The following PDE4B variants were observed in gnomAD, a reference collection of about 807,000 sequenced individuals.
PDE4B encodes phosphodiesterase 4B.
PDE4B carries 20 observed loss-of-function variants against 82.2 expected under a neutral mutation model. The observed-to-expected ratio is 0.24, with a 90% confidence interval of 0.17 to 0.35. The LOEUF is 0.35. Among genes scored for constraint, PDE4B ranks in the 10% least tolerant of loss-of-function variants. The probability of loss-of-function intolerance (pLI) is 1.00; values close to 1 mark genes in which losing one functional copy is unlikely to be tolerated. For synonymous variants in PDE4B, 320 were observed against 318.9 expected (o/e 1.00, Z -0.04); for missense variants, 655 against 907.2 (o/e 0.72, Z 3.57).
chr1:66,171,060 A>T (rs986718638), intron 3 of PDE4B, among the ~76,000 whole-genome samples: 6 of 152,148 alleles, frequency 3.9e-5, no homozygotes, highest in African/African-American at 1.4e-4. Context: ...TTGATGAGTA[A>T]ATCAGAAAAG....
intron 8 of PDE4B, among the ~76,000 whole-genome samples, chr1:66,350,741 G>A (rs1221229937): frequency 6.6e-6 from 1 of 152,102 alleles, no homozygotes. Flanking sequence ...CTTGCCTGCG[G>A]ATCTTTGCAT....
intron 1 of PDE4B, among the ~76,000 whole-genome samples, chr1:65,810,902 C>T (rs1389068883): frequency 6.6e-5 from 10 of 152,200 alleles, no homozygotes; most frequent in Admixed American, 2.0e-4. Context: ...TTCTGCTAAA[C>T]GCTTCGAATA....
chr1:66,152,600 G>GTATACATATGTATACATATGTATACATA (rs1557596947), intron 3 of PDE4B: 4 of 192,158 alleles, frequency 2.1e-5, no homozygotes, highest in African/African-American at 1.0e-4. Context: ...GTGTGTGTGT[G>GTATACATATGTATACATATGTATACATA]TGTATACACA....
intron 1 of PDE4B, among the ~76,000 whole-genome samples, chr1:65,817,519 A>G (rs1645900673): frequency 6.6e-6 from 1 of 152,032 alleles, no homozygotes; most frequent in Admixed American, 6.6e-5. Flanking sequence ...TTATTTATTT[A>G]TTTTTACTGT....
chr1:66,069,140 A>G lies in PDE4B; in HGVS notation c.281+150305A>G, dbSNP rs567128247. On this transcript the variant is annotated intron_variant, in intron 3 of 16. Transcript: ENST00000341517. ...TGTTAACACCCTGCTGTGTTCTTACATGGTCCTCTATTGTGTATTTTAACC... is the reference window on the plus strand; with the variant it reads ...TGTTAACACCCTGCTGTGTTCTTACGTGGTCCTCTATTGTGTATTTTAACC... 1.3e-5 allele frequency among the ~76,000 whole-genome samples: 2 copies of G among 152,112 alleles called. 1 individual carries two copies. Among genetic ancestry groups the G allele is most frequent in the Admixed American group, 1.3e-4 (2 of 15,250 alleles).
intron 3 of PDE4B, among the ~76,000 whole-genome samples, chr1:66,220,134 G>A (rs1251885946): frequency 1.3e-5 from 2 of 152,158 alleles, no homozygotes; most frequent in Non-Finnish European, 2.9e-5. Context: ...GGAAGTATCT[G>A]GAGGCTTGGA....
intron 3 of PDE4B, among the ~76,000 whole-genome samples, chr1:66,195,946 T>C (rs1013807648): frequency 6.6e-6 from 1 of 151,854 alleles, no homozygotes; most frequent in East Asian, 1.9e-4. Flanking sequence ...ATTTTGTTAG[T>C]GGTCGTTGGC....
At chr1:65,936,539 C>A (rs1648148896) in intron 3 of PDE4B, among the ~76,000 whole-genome samples, 1 of 152,048 alleles carries the variant, frequency 6.6e-6, no homozygotes, top group Non-Finnish European at 1.5e-5. Flanking sequence ...ACCTCAGTTC[C>A]CAAGGTGGAG....
intron 1 of PDE4B, among the ~76,000 whole-genome samples, chr1:65,895,061 T>C (rs1646894313): frequency 6.6e-6 from 1 of 152,162 alleles, no homozygotes; most frequent in South Asian, 2.1e-4. Context: ...AAAACATATG[T>C]CTTTAAAAAT....
intron 3 of PDE4B, among the ~76,000 whole-genome samples, chr1:65,950,280 G>A (rs1045980193): frequency 3.3e-5 from 5 of 152,012 alleles, no homozygotes; most frequent in African/African-American, 4.8e-5. Context: ...GGACAGCATA[G>A]GTGAAAGCCA....
At chr1:66,218,288 A>G (rs901917006) in intron 3 of PDE4B, among the ~76,000 whole-genome samples, 2 of 152,148 alleles carry the variant, frequency 1.3e-5, no homozygotes, top group South Asian at 2.1e-4. Context: ...GCCTCATGTC[A>G]TGAAGTCCAA....
At chr1:65,938,054 T>C (rs1305586285) in intron 3 of PDE4B, among the ~76,000 whole-genome samples, 3 of 147,710 alleles carry the variant, frequency 2.0e-5, no homozygotes, top group African/African-American at 7.3e-5. Context: ...TGTGAATAGT[T>C]TTATAATAAA....
intron 3 of PDE4B, among the ~76,000 whole-genome samples, chr1:66,027,454 A>G (rs1473293255): frequency 3.9e-5 from 6 of 152,108 alleles, no homozygotes; most frequent in Non-Finnish European, 7.4e-5. Flanking sequence ...CAGCCAAACC[A>G]TATCATTCTG....
intron 1 of PDE4B, among the ~76,000 whole-genome samples, chr1:65,855,857 A>G (rs944284584): frequency 6.6e-6 from 1 of 152,126 alleles, no homozygotes; most frequent in African/African-American, 2.4e-5. Context: ...TCTAGGCAGA[A>G]AGCCAGGGCA....
intron 3 of PDE4B, among the ~76,000 whole-genome samples, chr1:66,228,177 G>T (rs552721948): frequency 1.3e-5 from 2 of 152,272 alleles, no homozygotes; most frequent in East Asian, 3.9e-4. Flanking sequence ...CTGACCACCT[G>T]TTCAAAATTA....
chr1:66,244,006 T>G lies in PDE4B; in HGVS notation c.282-3454T>G, dbSNP rs147470071. Among the ~76,000 whole-genome samples the G allele has an allele frequency of 3.0e-3, 458 of 152,364 alleles. 5 individuals carry two copies. Among genetic ancestry groups the G allele is most frequent in the African/African-American group, 0.01 (436 of 41,582 alleles). The stretch of plus-strand genomic sequence containing the variant: ...ACTTGTGAGTAACTTCCTGTCTTAA[T>G]CTATCTGAAACTTCTGTGTGACCTC... On this transcript the variant is annotated intron_variant, in intron 3 of 16. Coordinates refer to ENST00000341517, the MANE Select transcript of PDE4B (RefSeq NM_002600.4).
intron 3 of PDE4B, among the ~76,000 whole-genome samples, chr1:65,980,973 T>C (rs1557474537): frequency 6.6e-6 from 1 of 152,158 alleles, no homozygotes; most frequent in Non-Finnish European, 1.5e-5. Flanking sequence ...TAGCACAAAT[T>C]GGATAATTTT....
chr1:66,080,395 G>C (rs1656661724), intron 3 of PDE4B, among the ~76,000 whole-genome samples: 1 of 152,052 alleles, frequency 6.6e-6, no homozygotes, highest in African/African-American at 2.4e-5. Flanking sequence ...TTTACCAAGT[G>C]AAAAGATACT....
At chr1:65,845,876 A>G (rs1383942239) in intron 1 of PDE4B, among the ~76,000 whole-genome samples, 1 of 152,168 alleles carries the variant, frequency 6.6e-6, no homozygotes, top group Non-Finnish European at 1.5e-5. Context: ...AACTCCTCCA[A>G]CTTTTTCTCC....
Sources: gnomAD v4.1 joint callset for allele counts (sites outside exome capture counted in the v4.1 genomes callset) on GRCh38, gnomAD v4.1.1 for gene constraint, MANE v1.5 for transcripts, NCBI Gene and HGNC (gene_info 2026-07-23, HGNC 2026-07-21) for gene names.